The following GABBR2 variants were observed in gnomAD, a reference collection of about 807,000 sequenced individuals.
GABBR2 encodes gamma-aminobutyric acid type B receptor subunit 2.
GABBR2 carries 23 observed loss-of-function variants against 105.6 expected under a neutral mutation model. The ratio of observed to expected loss-of-function variants is 0.22; its 90% CI spans 0.16 to 0.31. GABBR2 has a LOEUF of 0.31. Among genes scored for constraint, GABBR2 ranks in the 10% least tolerant of loss-of-function variants. GABBR2 has a pLI of 1.00. For synonymous variants in GABBR2, 478 were observed against 499.7 expected, an observed-to-expected ratio of 0.96 and a Z score of 0.58; for missense variants, 734 against 1,245.5, an observed-to-expected ratio of 0.59 and a Z score of 6.18.
chr9:98,571,393 GT>G (rs962764012), intron 2 of GABBR2, among the ~76,000 whole-genome samples: 2 of 152,198 alleles, frequency 1.3e-5, no homozygotes, highest in Admixed American at 6.5e-5. Flanking sequence ...ATCAGTTGGA[GT>G]TTTTTGGACC....
chr9:98,638,491 A>T (rs1425218016), intron 1 of GABBR2, among the ~76,000 whole-genome samples: 1 of 152,220 alleles, frequency 6.6e-6, no homozygotes, highest in Non-Finnish European at 1.5e-5. Context: ...GCCCTGTTTT[A>T]GTACTGACCG....
rs962558132 is a variant in GABBR2 at position 98,338,276 on chromosome 9, C to T, written c.1893+24439G>A. 1.4e-4 allele frequency among the ~76,000 whole-genome samples: 22 copies of T among 152,112 alleles called. 1 individual carries two copies. The highest frequency in any genetic ancestry group is 4.6e-4 in the Admixed American group (7 of 15,274). ...TAAAAGAAAAAATATATAAATTGCA[C>T]TTTATCAAAATTAAAATTTTTCATG... is the stretch of plus-strand genomic sequence containing the variant. On this transcript the variant is annotated intron_variant, in intron 13 of 18. Coordinates refer to ENST00000259455, the MANE Select transcript of GABBR2 (RefSeq NM_005458.8).
At chr9:98,670,649 T>G (rs1335930982) in intron 1 of GABBR2, among the ~76,000 whole-genome samples, 1 of 152,124 alleles carries the variant, frequency 6.6e-6, no homozygotes, top group Non-Finnish European at 1.5e-5. Flanking sequence ...TTATTCAGCT[T>G]AAAAAGGAAA....
intron 7 of GABBR2, among the ~76,000 whole-genome samples, chr9:98,436,370 T>TCC (rs1825919547): frequency 4.0e-4 from 7 of 17,478 alleles, no homozygotes; most frequent in South Asian, 3.0e-3. Flanking sequence ...TATATATATA[T>TCC]ATATATATAT....
intron 4 of GABBR2, chr9:98,496,095 C>T: frequency 3.4e-6 from 1 of 293,482 alleles, no homozygotes; most frequent in Non-Finnish European, 6.4e-6. Flanking sequence ...GACAGTTCCT[C>T]TCTCTGTGAC....
At chr9:98,403,754 AAAAT>A (rs1383055049) in intron 8 of GABBR2, among the ~76,000 whole-genome samples, 10 of 128,274 alleles carry the variant, frequency 7.8e-5, no homozygotes, top group East Asian at 6.3e-4. Context: ...GAGAAAAAAA[AAAAT>A]ATATATATAT....
At chr9:98,545,093 T>C (rs553960458) in intron 2 of GABBR2, among the ~76,000 whole-genome samples, 1 of 152,336 alleles carries the variant, frequency 6.6e-6, no homozygotes, top group Admixed American at 6.5e-5. Context: ...TCTGATGTGA[T>C]TTCTTAATCA....
In GABBR2 at chr9:98,414,863, C is replaced by T. The variant is rs538360229; in HGVS notation, c.1237-8722G>A. ...TGTCAACCAGATTGATAGGATCTAT[C>T]GGAGAACCCTGAGGCCTAAGGAACA... On this transcript the variant is annotated intron_variant, in intron 7 of 18. Transcript: ENST00000259455. Among the ~76,000 whole-genome samples the T allele has an allele frequency of 3.3e-5, 5 of 152,104 alleles. No individual in the cohort carries two copies. In the East Asian group the frequency reaches 5.8e-4, roughly 18 times the overall value.
chr9:98,440,647 C>A (rs1271892270), intron 7 of GABBR2, among the ~76,000 whole-genome samples: 2 of 152,196 alleles, frequency 1.3e-5, no homozygotes, highest in Non-Finnish European at 2.9e-5. Flanking sequence ...GTTAGAATTT[C>A]ATGAGAAAGT....
intron 14 of GABBR2, 40 bp downstream of exon 14, chr9:98,311,050 CAAAGA>C: frequency 9.3e-7 from 1 of 1,069,862 alleles, no homozygotes; most frequent in South Asian, 1.3e-5. Flanking sequence ...AGAGGCCCAA[CAAAGA>C]AGTGTCCCCC....
chr9:98,436,847 A>G (rs968866049), intron 7 of GABBR2, among the ~76,000 whole-genome samples: 1 of 152,192 alleles, frequency 6.6e-6, no homozygotes, highest in Non-Finnish European at 1.5e-5. Flanking sequence ...ATATAATCCT[A>G]TGAACATCAG....
intron 1 of GABBR2, among the ~76,000 whole-genome samples, chr9:98,661,995 C>T (rs1830271789): frequency 6.6e-6 from 1 of 152,184 alleles, no homozygotes; most frequent in South Asian, 2.1e-4. Context: ...TCTCCCACTT[C>T]AGTTCAACTT....
intron 13 of GABBR2, among the ~76,000 whole-genome samples, chr9:98,341,577 T>G (rs552352025): frequency 5.4e-4 from 82 of 152,332 alleles, no homozygotes; most frequent in Middle Eastern, 3.4e-3. Flanking sequence ...GGCTCCAACT[T>G]TCTGGCAGCC....
At chr9:98,302,813 CTT>C (rs1830490430) in intron 16 of GABBR2, 1 of 161,270 alleles carries the variant, frequency 6.2e-6, no homozygotes, top group African/African-American at 2.4e-5. Flanking sequence ...AGCACTCTCT[CTT>C]GAAAAGTTTC....
intron 8 of GABBR2, among the ~76,000 whole-genome samples, chr9:98,404,199 CAA>C (rs55680554): frequency 3.7e-4 from 53 of 145,012 alleles, no homozygotes; most frequent in African/African-American, 1.3e-3. Flanking sequence ...TGCAATCACT[CAA>C]AAAAAAAAAA....
At chr9:98,487,921 G>T (rs1827094016) in intron 4 of GABBR2, among the ~76,000 whole-genome samples, 1 of 152,240 alleles carries the variant, frequency 6.6e-6, no homozygotes, top group Middle Eastern at 3.4e-3. Flanking sequence ...AGATTTTCTT[G>T]GATTAGCCAG....
chr9:98,443,368 T>C (rs1826066403), intron 7 of GABBR2, among the ~76,000 whole-genome samples: 1 of 152,228 alleles, frequency 6.6e-6, no homozygotes. Context: ...CTTTGGAAGG[T>C]TAGGCATCAA....
intron 13 of GABBR2, among the ~76,000 whole-genome samples, chr9:98,315,924 C>G (rs1195300736): frequency 1.3e-5 from 2 of 152,210 alleles, no homozygotes; most frequent in Admixed American, 6.5e-5. Flanking sequence ...TCTGGAGCAG[C>G]TGTTGGGGAA....
At chr9:98,312,569 A>C (rs1244517322) in intron 13 of GABBR2, among the ~76,000 whole-genome samples, 7 of 152,190 alleles carry the variant, frequency 4.6e-5, no homozygotes, top group African/African-American at 1.7e-4. Context: ...AGACTGTGTA[A>C]GTATCCTGTT....
Sources: gnomAD v4.1 joint callset for allele counts (sites outside exome capture counted in the v4.1 genomes callset) on GRCh38, gnomAD v4.1.1 for gene constraint, MANE v1.5 for transcripts, NCBI Gene and HGNC (gene_info 2026-07-23, HGNC 2026-07-21) for gene names.